The following LY75 variants were observed in gnomAD, a reference collection of about 807,000 sequenced individuals.
LY75 encodes the protein C-type lectin domain family 13 member B.
In LY75, 185 loss-of-function variants were observed where a neutral mutation model predicts 231.7. The ratio of observed to expected loss-of-function variants is 0.80; its 90% confidence interval spans 0.71 to 0.90. LY75 has a LOEUF of 0.90. LY75 is among the 40% of genes least tolerant of loss of function. The probability of loss-of-function intolerance (pLI) is 0.00; values close to 1 mark genes in which losing one functional copy is unlikely to be tolerated. For synonymous variants in LY75, 668 were observed against 689.0 expected, an observed-to-expected ratio of 0.97 and a Z score of 0.48; for missense variants, 1,947 against 2,050.2, an observed-to-expected ratio of 0.95 and a Z score of 0.97.
At position 159,819,878 on chromosome 2, in the gene LY75, G is replaced by A. The variant is rs761183800; in HGVS notation, c.4001C>T (p.Thr1334Ile). ...AGTTGGTCTTCCTGCTCTCCAATGT[G>A]TATATGACAGTGGGGTCTTATCAAA... is the stretch of plus-strand genomic sequence containing the variant. ...MWFDKTPLSY[T>I]HWRAGRPTIK... Residue 1334 changes from threonine (T) to isoleucine (I), a missense_variant, in exon 29 of 35, where the codon ACA (threonine) becomes ATA (isoleucine). Thr to Ile is a moderately conservative substitution (Grantham distance 89, BLOSUM62 -1). Coordinates refer to ENST00000263636, the MANE Select transcript of LY75 (RefSeq NM_002349.4). 1.2e-6 allele frequency: 2 copies of A among 1,613,362 alleles called. No individual in the cohort carries two copies. The highest frequency in any genetic ancestry group is 2.2e-5 in the East Asian group (1 of 44,844).
rs773950828 is a variant in LY75 at position 159,807,137 on chromosome 2, T to C, written c.4826A>G (p.Gln1609Arg). The C allele has an allele frequency of 3.1e-6, 5 of 1,606,670 alleles. No homozygotes were observed. The highest frequency in any genetic ancestry group is 4.2e-6 in the Non-Finnish European group (5 of 1,176,824). The change falls in exon 34 of 35, where the codon CAG becomes CGG. Residue 1609 changes from glutamine to arginine, a missense_variant. Coordinates refer to ENST00000263636, the MANE Select transcript of LY75 (RefSeq NM_002349.4). ...WLGLSQHSVD[Q>R]SWSWLDGSEV... The stretch of plus-strand genomic sequence containing the variant: ...TGATCCATCTAACCAACTCCAAGAC[T>C]GGTCTGAAGAAAGAAATTAAATACA...
intron 25 of LY75, among the ~76,000 whole-genome samples, chr2:159,839,179 T>C (rs1295178037): frequency 6.6e-6 from 1 of 152,212 alleles, no homozygotes; most frequent in Admixed American, 6.5e-5. Context: ...AATTGAGCTT[T>C]TGATAACAAT....
intron 9 of LY75, 129 bp from the exon 10 acceptor site, chr2:159,878,850 A>G: frequency 1.0e-6 from 1 of 974,510 alleles, no homozygotes; most frequent in Non-Finnish European, 1.5e-6. Flanking sequence ...TATTGAAATC[A>G]TACATGTGAT....
At position 159,807,057 on chromosome 2, in the gene LY75, T is replaced by A; in HGVS notation, c.4906A>T (p.Ser1636Cys). The change falls in exon 34 of 35, where the codon AGC becomes TGC. Residue 1636 changes from serine (S) to cysteine (C), a missense_variant. Coordinates refer to ENST00000263636, the MANE Select transcript of LY75 (RefSeq NM_002349.4). ...GTTTCATTTGAAGCTATCAACATGC[T>A]ACATCTTCCAACACCACTCTTACTT... ...NKSKSGVGRC[S>C]MLIASNETWK... 6.2e-7 allele frequency: 1 copy of A among 1,614,000 alleles called. No homozygotes were observed. The highest frequency in any genetic ancestry group is 1.1e-5 in the South Asian group (1 of 91,040).
intron 2 of LY75, 113 bp from the exon 3 acceptor site, chr2:159,894,197 G>A (rs1685842457): frequency 6.2e-6 from 8 of 1,296,406 alleles, no homozygotes; most frequent in South Asian, 4.6e-5. Context: ...TACAATATCC[G>A]AGTGTAGGAA....
intron 8 of LY75, among the ~76,000 whole-genome samples, chr2:159,880,573 C>A (rs1574587446): frequency 6.6e-6 from 1 of 152,236 alleles, no homozygotes; most frequent in South Asian, 2.1e-4. Context: ...TGTTTGAGAC[C>A]AGAAAAGATG....
chr2:159,813,116 A>G (rs1273501142), intron 31 of LY75, among the ~76,000 whole-genome samples: 1 of 152,196 alleles, frequency 6.6e-6, no homozygotes, highest in Non-Finnish European at 1.5e-5. Flanking sequence ...TTATGCTGCT[A>G]TGACATGGTT....
intron 25 of LY75, among the ~76,000 whole-genome samples, chr2:159,837,479 T>C (rs1402074786): frequency 1.3e-5 from 2 of 152,140 alleles, no homozygotes; most frequent in African/African-American, 4.8e-5. Flanking sequence ...TGATATTGTC[T>C]GGGGACTCCA....
At chr2:159,833,452 T>G (rs1683727872) in intron 27 of LY75, among the ~76,000 whole-genome samples, 1 of 152,174 alleles carries the variant, frequency 6.6e-6, no homozygotes, top group Non-Finnish European at 1.5e-5. Flanking sequence ...CCTGCCTTCC[T>G]TACAAACATA....
chr2:159,890,130 AAC>A (rs776263913), intron 4 of LY75, 81 bp downstream of exon 4: 57 of 1,523,246 alleles, frequency 3.7e-5, no homozygotes, highest in Non-Finnish European at 4.9e-5. Context: ...CATACAAAGA[AAC>A]ACATCTGGAT....
At chr2:159,840,210 A>T (rs996015516) in intron 25 of LY75, among the ~76,000 whole-genome samples, 1 of 152,054 alleles carries the variant, frequency 6.6e-6, no homozygotes, top group African/African-American at 2.4e-5. Flanking sequence ...CTCCACCAGA[A>T]CCTTTTCCTC....
chr2:159,860,577 C>T (rs949039736), intron 15 of LY75, among the ~76,000 whole-genome samples: 44 of 152,188 alleles, frequency 2.9e-4, no homozygotes, highest in African/African-American at 1.1e-3. Context: ...ATTAGCCTTC[C>T]TCAGCCCCCT....
At chr2:159,842,634 C>A (rs1050594320) in intron 23 of LY75, among the ~76,000 whole-genome samples, 4 of 152,098 alleles carry the variant, frequency 2.6e-5, no homozygotes, top group African/African-American at 9.7e-5. Context: ...AGATAAAACA[C>A]CTCCAGCAAT....
intron 33 of LY75, 99 bp from the exon 34 acceptor site, chr2:159,807,239 T>C: frequency 7.7e-7 from 1 of 1,298,084 alleles, no homozygotes; most frequent in African/African-American, 1.5e-5. Context: ...CTGTCCAATA[T>C]GAGAGCCACT....
At chr2:159,861,196 A>G (rs1312074075) in intron 14 of LY75, among the ~76,000 whole-genome samples, 1 of 152,160 alleles carries the variant, frequency 6.6e-6, no homozygotes, top group African/African-American at 2.4e-5. Flanking sequence ...ATGTGTTGAA[A>G]TGCTCATTAT....
At chr2:159,824,608 G>C (rs1288447657) in intron 28 of LY75, among the ~76,000 whole-genome samples, 1 of 152,180 alleles carries the variant, frequency 6.6e-6, no homozygotes, top group African/African-American at 2.4e-5. Context: ...TCTGGACCAA[G>C]TGGACCTAAT....
At chr2:159,830,756 A>G (rs147845783) in intron 28 of LY75, among the ~76,000 whole-genome samples, 2,092 of 152,024 alleles carry the variant, frequency 0.014, 19 homozygotes, top group Admixed American at 0.029. Context: ...TAATTTTTGT[A>G]TTTTTAGTAG....
chr2:159,850,148 A>G lies in LY75; in HGVS notation c.2990-8T>C. 1 of 1,589,856 alleles carries G rather than the reference A, an allele frequency of 6.3e-7. No homozygotes were observed. The highest frequency in any genetic ancestry group is 8.5e-7 in the Non-Finnish European group (1 of 1,173,666). On this transcript the variant is annotated splice_polypyrimidine_tract_variant and splice_region_variant and intron_variant, in intron 22 of 34. Coordinates refer to ENST00000263636, the MANE Select transcript of LY75 (RefSeq NM_002349.4). ...GCAAGGATGTAATAAAGTCTGTTAG[A>G]AAGAGATTTTTAAAAAGCATTTGAT...
At chr2:159,895,266 T>G (rs142014542) in intron 2 of LY75, among the ~76,000 whole-genome samples, 2 of 152,248 alleles carry the variant, frequency 1.3e-5, no homozygotes, top group Non-Finnish European at 2.9e-5. Context: ...ACTGGTTTTG[T>G]TTTGCTGTGT....
Sources: allele counts gnomAD v4.1 joint callset (sites outside exome capture counted in the v4.1 genomes callset), GRCh38; gene constraint gnomAD v4.1.1; transcripts MANE v1.5; gene names NCBI Gene and HGNC (gene_info 2026-07-23, HGNC 2026-07-21).